The following MARCHF5 variants were observed in gnomAD, a reference collection of about 807,000 sequenced individuals.
MARCHF5 encodes the protein membrane associated ring-CH-type finger 5, also known as E3 ubiquitin-protein ligase MARCHF5.
Under a neutral mutation model 36.5 loss-of-function variants are expected in MARCHF5, and 5 were observed. That is an observed-to-expected ratio of 0.14 (90% CI 0.07 to 0.29). MARCHF5 has a LOEUF of 0.29. MARCHF5 is among the 10% of genes least tolerant of loss of function. MARCHF5 has a pLI of 1.00. For synonymous variants in MARCHF5, 103 were observed against 109.9 expected (o/e 0.94, Z 0.39); for missense variants, 179 against 336.3 (o/e 0.53, Z 3.66).
intron 1 of MARCHF5, among the ~76,000 whole-genome samples, chr10:92,300,078 T>A (rs1842994516): frequency 6.6e-6 from 1 of 151,896 alleles, no homozygotes; most frequent in Non-Finnish European, 1.5e-5. Context: ...GGAGGTTCAC[T>A]TGAGCCTGGG....
chr10:92,340,432 T>C (rs1420539345), intron 2 of MARCHF5, among the ~76,000 whole-genome samples: 1 of 152,128 alleles, frequency 6.6e-6, no homozygotes, highest in African/African-American at 2.4e-5. Context: ...TTAGGCTGAG[T>C]GTAGTAGCTC....
In MARCHF5 at chr10:92,295,387, T is replaced by TTTTA. The variant is rs1392750581; in HGVS notation, c.35+3878_35+3881dup. Among the ~76,000 whole-genome samples the TTTTA allele has an allele frequency of 2.2e-4, 32 of 145,178 alleles. 1 individual carries two copies. The highest frequency in any genetic ancestry group is 5.9e-4 in the East Asian group (3 of 5,076). ...ACTTGGGCCAACTGGTGACAACTTC[T>TTTTA]TTTATTTATTTATTTATTTATTTTT... On this transcript the variant is annotated intron_variant, in intron 1 of 5. Transcript: ENST00000358935.
rs919753345 is a variant in MARCHF5, at chr10:92,330,032, G to T, written c.239-10641G>T. ...TAACTTTTGTATTTTTATTAGAGAC[G>T]GGGTTTCACCAGGTTGGCCAGGCTG... On this transcript the variant is annotated intron_variant, in intron 2 of 5. Coordinates refer to ENST00000358935, the MANE Select transcript of MARCHF5 (RefSeq NM_017824.5). 2.0e-5 allele frequency among the ~76,000 whole-genome samples: 3 copies of T among 152,064 alleles called. No homozygotes were observed. The East Asian group carries it at 5.8e-4, about 29-fold the overall frequency.
At chr10:92,311,407 A>T (rs913579584) in intron 2 of MARCHF5, 70 bp downstream of exon 2, 17 of 1,058,690 alleles carry the variant, frequency 1.6e-5, no homozygotes, top group Non-Finnish European at 2.2e-5. Flanking sequence ...AGTTCATTTT[A>T]AAATGAACCA....
chr10:92,316,187 T>C (rs1376894299), intron 2 of MARCHF5, among the ~76,000 whole-genome samples: 2 of 152,182 alleles, frequency 1.3e-5, no homozygotes, highest in African/African-American at 4.8e-5. Context: ...TCAAATGAAT[T>C]TAGCCCCAGT....
chr10:92,352,803 CAGTG>C lies in MARCHF5; in HGVS notation c.*1599_*1602del, dbSNP rs1464900784. ...TATTTGGAGATGAAGATTTGACTAA[CAGTG>C]AGCCTTATTAAGAACACTACTACAG... On this transcript the variant is annotated 3_prime_UTR_variant, in exon 6 of 6. Coordinates refer to ENST00000358935, the MANE Select transcript of MARCHF5 (RefSeq NM_017824.5). 1.6e-4 allele frequency: 24 copies of C among 152,558 alleles called. No homozygotes were observed. The highest frequency in any genetic ancestry group is 9.6e-4 in the East Asian group (5 of 5,204). 9.5% of individuals were successfully genotyped at this position (152,558 alleles called of 1,614,324 possible).
chr10:92,311,266 G>A lies in MARCHF5; in HGVS notation c.167G>A (p.Arg56Lys). The change falls in exon 2 of 6, where the codon AGA becomes AAA. Residue 56 changes from arginine to lysine, a missense_variant. Arg to Lys is a conservative substitution (Grantham distance 26, BLOSUM62 2). Coordinates refer to ENST00000358935, the MANE Select transcript of MARCHF5 (RefSeq NM_017824.5). ...CAACGCTGGGTGGATGAAAAGCAAA[G>A]AGGAAACAGTACAGCCAGAGTGGCA... ...CLQRWVDEKQRGNSTARVACP... is the reference protein window; with the variant it reads ...CLQRWVDEKQKGNSTARVACP... 6.2e-7 allele frequency: 1 copy of A among 1,613,482 alleles called. No homozygotes were observed. Among genetic ancestry groups the A allele is most frequent in the Non-Finnish European group, 8.5e-7 (1 of 1,179,636 alleles).
intron 2 of MARCHF5, among the ~76,000 whole-genome samples, chr10:92,316,268 A>T (rs903132789): frequency 6.6e-6 from 1 of 152,224 alleles, no homozygotes; most frequent in Admixed American, 6.5e-5. Flanking sequence ...AAGAGGTAAT[A>T]TAAGTGTATG....
chr10:92,296,052 T>A (rs762428051), intron 1 of MARCHF5, among the ~76,000 whole-genome samples: 9 of 151,882 alleles, frequency 5.9e-5, no homozygotes, highest in Non-Finnish European at 1.0e-4. Flanking sequence ...ATTTTGTATT[T>A]TTAGTAGAGA....
In MARCHF5 at chr10:92,314,743, C is replaced by CCAA; in HGVS notation, c.238+3407_238+3408insAAC. 2.1e-5 allele frequency among the ~76,000 whole-genome samples: 2 copies of CCAA among 95,394 alleles called. 1 individual carries two copies. The highest frequency in any genetic ancestry group is 3.6e-5 in the Non-Finnish European group (2 of 55,178). The allele number at this position is 95,394 out of a possible 152,430, so 62.6% of individuals were successfully genotyped here. ...ACAGAGTATTTGCTGCTGCTGCTTC[C>CCAA]CCCCGCCCCCCCCCGCCAATAGAGG... On this transcript the variant is annotated intron_variant, in intron 2 of 5. Coordinates refer to ENST00000358935, the MANE Select transcript of MARCHF5 (RefSeq NM_017824.5).
intron 1 of MARCHF5, among the ~76,000 whole-genome samples, chr10:92,293,772 A>G (rs1417849282): frequency 1.3e-5 from 2 of 151,712 alleles, no homozygotes; most frequent in Admixed American, 6.6e-5. Context: ...ACAGAGTGGA[A>G]CTCCATCTCA....
In MARCHF5 at chr10:92,302,877, CA is replaced by C. The variant is rs1273962327; in HGVS notation, c.36-8257del. Among the ~76,000 whole-genome samples, 8 of 152,310 alleles carry C rather than the reference CA, an allele frequency of 5.3e-5. No individual in the cohort carries two copies. In the East Asian group the frequency reaches 1.5e-3, roughly 29 times the overall value. ...CAGTCATGTAAATACACTATTATGG[CA>C]CCATATATAATACAACAGCAGCAAT... On this transcript the variant is annotated intron_variant, in intron 1 of 5. Transcript: ENST00000358935.
intron 3 of MARCHF5, among the ~76,000 whole-genome samples, chr10:92,348,554 A>T (rs1349785781): frequency 6.6e-6 from 1 of 151,936 alleles, no homozygotes; most frequent in African/African-American, 2.4e-5. Flanking sequence ...AGGATTTTGG[A>T]GAGAGGGAAA....
rs576201098 is a variant in MARCHF5, at chr10:92,340,521, A to G, written c.239-152A>G. 19 of 612,008 alleles carry G rather than the reference A, an allele frequency of 3.1e-5. No individual in the cohort carries two copies. The East Asian group carries it at 5.4e-4, about 17-fold the overall frequency. The allele number at this position is 612,008 out of a possible 1,614,324, so 37.9% of individuals were successfully genotyped here. ...CAGAAGTTTGAGGCTGTAGTGAGCT[A>G]TGATCATGCCACTGCACTATAATCT... On this transcript the variant is annotated intron_variant, in intron 2 of 5. Coordinates refer to ENST00000358935, the MANE Select transcript of MARCHF5 (RefSeq NM_017824.5).
intron 1 of MARCHF5, among the ~76,000 whole-genome samples, chr10:92,305,753 G>GTTTT (rs1384033789): frequency 6.6e-6 from 1 of 152,148 alleles, no homozygotes; most frequent in African/African-American, 2.4e-5. Context: ...GAGTGTTTTG[G>GTTTT]TTTTGACTAA....
intron 2 of MARCHF5, among the ~76,000 whole-genome samples, chr10:92,328,801 T>TTATATATATATATATATA (rs748902839): frequency 1.4e-4 from 19 of 137,258 alleles, no homozygotes; most frequent in African/African-American, 4.9e-4. Context: ...AGTGAGGTTA[T>TTATATATATATATATATA]TATATATATA....
rs533071333 is a variant in MARCHF5 at position 92,329,989 on chromosome 10, C to G, written c.239-10684C>G. 5.9e-5 allele frequency among the ~76,000 whole-genome samples: 9 copies of G among 152,278 alleles called. No homozygotes were observed. The South Asian group carries it at 1.4e-3, about 25-fold the overall frequency. ...TCCCGAGTAGCTGGAATTACAGGCT[C>G]CTACCACCACGCCCAACTAACTTTT... On this transcript the variant is annotated intron_variant, in intron 2 of 5. Transcript: ENST00000358935.
intron 2 of MARCHF5, chr10:92,334,363 A>C (rs1397434560): frequency 3.3e-5 from 5 of 152,228 alleles, no homozygotes; most frequent in Non-Finnish European, 5.9e-5. Flanking sequence ...TCGTCTCAGA[A>C]ACTTATACCA....
intron 1 of MARCHF5, among the ~76,000 whole-genome samples, chr10:92,292,244 T>C (rs1432025813): frequency 2.6e-5 from 4 of 152,114 alleles, no homozygotes; most frequent in African/African-American, 9.7e-5. Flanking sequence ...TAAAACTCTT[T>C]GTGAAGTCGG....
Sources: allele counts gnomAD v4.1 joint callset (sites outside exome capture counted in the v4.1 genomes callset), GRCh38; gene constraint gnomAD v4.1.1; transcripts MANE v1.5; gene names NCBI Gene and HGNC (gene_info 2026-07-23, HGNC 2026-07-21).